BBOF1: variants seen among roughly 807,000 people sequenced by gnomAD.
The protein encoded by BBOF1 is basal body-orientation factor 1.
In BBOF1, 62 loss-of-function variants were observed where a neutral mutation model predicts 68.0. The ratio of observed to expected loss-of-function variants is 0.91; its 90% confidence interval spans 0.74 to 1.13. The LOEUF is 1.13. Ranked by LOEUF, BBOF1 falls within the 50% of genes most tolerant of loss-of-function variation. BBOF1 has a pLI of 0.00. For synonymous variants in BBOF1, 208 were observed against 198.8 expected (o/e 1.05, Z -0.39); for missense variants, 534 against 600.1 (o/e 0.89, Z 1.15).
intron 9 of BBOF1, chr14:74,071,438 T>G: frequency 6.2e-7 from 1 of 1,614,178 alleles, no homozygotes; most frequent in Non-Finnish European, 8.5e-7. Flanking sequence ...TCTTTGGTGA[T>G]GGATGGCATG....
chr14:74,068,771 G>C, downstream of BBOF1: 1 of 1,438,424 alleles, frequency 7.0e-7, no homozygotes, highest in Non-Finnish European at 9.7e-7. Flanking sequence ...ACATTGGAGT[G>C]GGATGAGTGG....
intron 5 of BBOF1, among the ~76,000 whole-genome samples, chr14:74,043,780 G>C (rs767875826): frequency 6.7e-6 from 1 of 149,810 alleles, no homozygotes; most frequent in African/African-American, 2.4e-5. Context: ...TGACCTGCCC[G>C]CTTCGGCCTC....
chr14:74,032,827 C>CT (rs1045930043), intron 3 of BBOF1, among the ~76,000 whole-genome samples: 4 of 151,910 alleles, frequency 2.6e-5, no homozygotes, highest in Admixed American at 6.6e-5. Flanking sequence ...CTAGATTGGA[C>CT]TTTTTTTTCA....
intron 6 of BBOF1, among the ~76,000 whole-genome samples, chr14:74,047,407 CTTTATTTATTTATTTA>C (rs61067400): frequency 2.1e-5 from 3 of 145,544 alleles, no homozygotes; most frequent in African/African-American, 5.1e-5. Context: ...TCCTTTTTCA[CTTTATTTATTTATTTA>C]TTTATTTATT....
intron 1 of BBOF1, among the ~76,000 whole-genome samples, chr14:74,020,111 G>C (rs571821530): frequency 6.6e-6 from 1 of 152,274 alleles, no homozygotes; most frequent in South Asian, 2.1e-4. Flanking sequence ...AAAATCACCT[G>C]TAGTCTCATT....
intron 8 of BBOF1, chr14:74,055,315 AT>A: frequency 3.1e-6 from 1 of 324,546 alleles, no homozygotes; most frequent in South Asian, 2.7e-5. Context: ...TGCCCAGCTA[AT>A]TTTTGTATTT....
chr14:74,080,791 T>C (rs546341266), intron 10 of BBOF1, among the ~76,000 whole-genome samples: 1 of 152,292 alleles, frequency 6.6e-6, no homozygotes, highest in South Asian at 2.1e-4. Context: ...TCAGAGGGTC[T>C]TTCTGAAACA....
At chr14:74,027,239 A>AC (rs2059452080) in intron 2 of BBOF1, among the ~76,000 whole-genome samples, 1 of 151,088 alleles carries the variant, frequency 6.6e-6, no homozygotes, top group South Asian at 2.1e-4. Context: ...TTGTGCCACC[A>AC]CCCCGCCTGG....
At chr14:74,059,127 A>G in intron 11 of BBOF1, 1 of 190,994 alleles carries the variant, frequency 5.2e-6, no homozygotes, top group South Asian at 7.9e-5. Flanking sequence ...AGTTGAACTA[A>G]TGGCAGAAGA....
Position 74,057,186 on chromosome 14 carries a change from A to G in BBOF1, c.1506A>G (p.Gln502=). The G allele has an allele frequency of 1.2e-6, 2 of 1,613,648 alleles. No individual in the cohort carries two copies. The highest frequency in any genetic ancestry group is 8.5e-7 in the Non-Finnish European group (1 of 1,179,662). The change falls in exon 11 of 12, where the codon CAA becomes CAG. Residue 502 remains glutamine (Q), a synonymous_variant. Transcript: ENST00000394009. ...KLQDKIFITQ[Q]IAISDSSGEV... ...AAGATAAAATCTTCATCACCCAGCA[A>G]ATTGCAATATCAGACTCTTCTGGTG...
chr14:74,024,858 C>T (rs1479789975), intron 2 of BBOF1, among the ~76,000 whole-genome samples: 3 of 152,160 alleles, frequency 2.0e-5, no homozygotes, highest in Non-Finnish European at 4.4e-5. Flanking sequence ...CCAACTTAGC[C>T]TCCCAAAGTG....
intron 8 of BBOF1, among the ~76,000 whole-genome samples, chr14:74,053,411 G>A (rs914917143): frequency 2.0e-5 from 3 of 149,786 alleles, no homozygotes; most frequent in Non-Finnish European, 3.0e-5. Flanking sequence ...GCACCCGGCC[G>A]ACTTTTTTAT....
At chr14:74,059,257 A>G (rs2060286519) in intron 11 of BBOF1, 2 of 362,052 alleles carry the variant, frequency 5.5e-6, no homozygotes, top group Non-Finnish European at 1.1e-5. Flanking sequence ...AATTAGAAAT[A>G]CAGGCAAGAG....
chr14:74,042,757 A>G (rs1413673392), intron 5 of BBOF1, among the ~76,000 whole-genome samples: 1 of 152,022 alleles, frequency 6.6e-6, no homozygotes, highest in East Asian at 1.9e-4. Context: ...GCAGTGAGCC[A>G]TGATTGTGTC....
At chr14:74,025,518 GT>G (rs1468361883) in intron 2 of BBOF1, among the ~76,000 whole-genome samples, 1 of 152,142 alleles carries the variant, frequency 6.6e-6, no homozygotes, top group Non-Finnish European at 1.5e-5. Flanking sequence ...AATGAAATGT[GT>G]TTTGAAAACT....
At position 74,022,981 on chromosome 14, in the gene BBOF1, C is replaced by T; in HGVS notation, c.122C>T (p.Ala41Val). 1 of 1,613,158 alleles carries T rather than the reference C, an allele frequency of 6.2e-7. No homozygotes were observed. The highest frequency in any genetic ancestry group is 8.5e-7 in the Non-Finnish European group (1 of 1,179,560). ...AAGGCCAATGCCTCCCTTTGGGAGG[C>T]CAGGTTGGAAGTCACAGAACTCTCT... ...RAKANASLWE[A>V]RLEVTELSRI... The change falls in exon 2 of 12, where the codon GCC becomes GTC. Residue 41 changes from alanine (A) to valine (V), a missense_variant. Coordinates refer to ENST00000394009, the MANE Select transcript of BBOF1 (RefSeq NM_025057.3).
At chr14:74,066,739 T>C, downstream of BBOF1, 1 of 1,614,130 alleles carries the variant, frequency 6.2e-7, no homozygotes, top group Non-Finnish European at 8.5e-7. Context: ...TCCAACAAAG[T>C]TGCCATTTTC....
chr14:74,044,675 C>T (rs1015677788), intron 5 of BBOF1, among the ~76,000 whole-genome samples: 9 of 152,034 alleles, frequency 5.9e-5, no homozygotes, highest in Non-Finnish European at 1.3e-4. Flanking sequence ...CCTGTAATCC[C>T]AGCACTTTGG....
chr14:74,081,955 C>T (rs924241602), intron 12 of BBOF1, among the ~76,000 whole-genome samples: 1 of 152,062 alleles, frequency 6.6e-6, no homozygotes, highest in Non-Finnish European at 1.5e-5. Context: ...GCCTGTAGTC[C>T]CAACACTTTG....
Sources: gnomAD v4.1 joint callset for allele counts (sites outside exome capture counted in the v4.1 genomes callset) on GRCh38, gnomAD v4.1.1 for gene constraint, MANE v1.5 for transcripts, NCBI Gene and HGNC (gene_info 2026-07-23, HGNC 2026-07-21) for gene names.